Variants in GPHN observed in about 807,000 individuals in gnomAD.
GPHN encodes gephyrin.
GPHN carries 17 observed loss-of-function variants against 95.5 expected under a neutral mutation model. That is an observed-to-expected ratio of 0.18 (90% CI 0.12 to 0.27). The LOEUF (loss-of-function observed/expected upper bound fraction) is 0.27, where lower values mean the gene tolerates loss of function less well. GPHN is among the 10% of genes least tolerant of loss of function. GPHN has a pLI of 1.00. For missense variants in GPHN, 660 were observed against 978.1 expected (o/e 0.67, Z 4.34); for synonymous variants, 320 against 322.5 (o/e 0.99, Z 0.08).
intron 2 of GPHN, among the ~76,000 whole-genome samples, chr14:66,730,256 C>T (rs2071645930): frequency 6.6e-6 from 1 of 152,150 alleles, no homozygotes; most frequent in Non-Finnish European, 1.5e-5. Context: ...CTGCTAGGCT[C>T]CATGTGGGTT....
At chr14:66,944,342 T>C (rs1476671391) in intron 8 of GPHN, among the ~76,000 whole-genome samples, 2 of 152,186 alleles carry the variant, frequency 1.3e-5, no homozygotes, top group African/African-American at 4.8e-5. Context: ...CAGGCCACCA[T>C]TGTAAAATGG....
chr14:66,606,132 T>C (rs931370646), intron 1 of GPHN, among the ~76,000 whole-genome samples: 2 of 152,156 alleles, frequency 1.3e-5, no homozygotes, highest in Admixed American at 6.5e-5. Context: ...TGAGGTCTTA[T>C]CTTTACATCT....
At chr14:66,702,566 G>C (rs2068657671) in intron 2 of GPHN, among the ~76,000 whole-genome samples, 1 of 152,074 alleles carries the variant, frequency 6.6e-6, no homozygotes, top group South Asian at 2.1e-4. Flanking sequence ...AGAGGGACCT[G>C]ACCATTGAAA....
rs576345891 is a variant in GPHN, at chr14:67,114,169, A to G, written c.1626+998A>G. Among the ~76,000 whole-genome samples, 4 of 152,332 alleles carry G rather than the reference A, an allele frequency of 2.6e-5. No individual in the cohort carries two copies. In the South Asian group the frequency reaches 6.2e-4, roughly 24 times the overall value. On this transcript the variant is annotated intron_variant, in intron 16 of 22. Transcript: ENST00000478722. Reference sequence around the variant, plus strand: ...ATTCCAGATGTGCTTACTTCCCAGTATATATGCACTAGTCATTTCCAAAAA... The same window carrying G: ...ATTCCAGATGTGCTTACTTCCCAGTGTATATGCACTAGTCATTTCCAAAAA...
chr14:67,546,848 G>C, the GPHN span, among the ~76,000 whole-genome samples: 1 of 152,142 alleles, frequency 6.6e-6, no homozygotes, highest in Admixed American at 6.5e-5. Flanking sequence ...GGGTGACACA[G>C]CAAAATCCTG....
the GPHN span, among the ~76,000 whole-genome samples, chr14:67,284,547 T>TAAAAAAAAAAAAAAAA: frequency 1.7e-4 from 4 of 23,310 alleles, 1 homozygote; most frequent in East Asian, 1.1e-3. Context: ...GCTGCAGTGC[T>TAAAAAAAAAAAAAAAA]AAAAAAAAAA....
chr14:67,599,977 G>T, the GPHN span: 1 of 1,494,220 alleles, frequency 6.7e-7, no homozygotes. Context: ...CCCTCCCAAA[G>T]CCGAACCCCC....
chr14:67,473,474 G>C, the GPHN span: 36 of 1,614,032 alleles, frequency 2.2e-5, no homozygotes, highest in Non-Finnish European at 2.5e-5. This position sits in a 1 kb window ranked among gnomAD's most constrained non-coding sequence, Gnocchi z 6.5. Flanking sequence ...TGGGCTCCCC[G>C]GGCTCAGCGT....
At chr14:67,295,888 C>T in the GPHN span, among the ~76,000 whole-genome samples, 1 of 151,880 alleles carries the variant, frequency 6.6e-6, no homozygotes, top group African/African-American at 2.4e-5. Flanking sequence ...AAAATGTGTC[C>T]ACAGAAAAGC....
At chr14:66,904,521 G>C (rs1029764258) in intron 5 of GPHN, among the ~76,000 whole-genome samples, 1 of 152,166 alleles carries the variant, frequency 6.6e-6, no homozygotes, top group African/African-American at 2.4e-5. Flanking sequence ...TCTAGCTACA[G>C]AGTACTGACT....
At chr14:66,567,650 A>G (rs1464666360) in intron 1 of GPHN, among the ~76,000 whole-genome samples, 1 of 152,256 alleles carries the variant, frequency 6.6e-6, no homozygotes, top group Non-Finnish European at 1.5e-5. Context: ...GCACTCAGAT[A>G]TAAAGTCTAC....
chr14:66,928,737 A>T (rs2066619600), intron 8 of GPHN, among the ~76,000 whole-genome samples: 1 of 152,162 alleles, frequency 6.6e-6, no homozygotes, highest in South Asian at 2.1e-4. Flanking sequence ...ATTTGCTTCA[A>T]GACATTATTA....
intron 4 of GPHN, among the ~76,000 whole-genome samples, chr14:66,857,019 T>C (rs1406916610): frequency 6.6e-6 from 1 of 152,090 alleles, no homozygotes; most frequent in Non-Finnish European, 1.5e-5. Context: ...AAACACTGGA[T>C]AAATTCTTAC....
chr14:67,731,442 T>C, the GPHN span, among the ~76,000 whole-genome samples: 4 of 151,912 alleles, frequency 2.6e-5, no homozygotes, highest in Non-Finnish European at 5.9e-5. Flanking sequence ...CTTGAACTCC[T>C]GACCTCAAGT....
chr14:67,057,441 G>T (rs983333899), intron 10 of GPHN, among the ~76,000 whole-genome samples: 1 of 149,400 alleles, frequency 6.7e-6, no homozygotes, highest in Non-Finnish European at 1.5e-5. Flanking sequence ...ACTGGGTCCT[G>T]TCAGAGGGTT....
the GPHN span, among the ~76,000 whole-genome samples, chr14:67,317,176 A>C: frequency 6.6e-6 from 1 of 152,238 alleles, no homozygotes; most frequent in Non-Finnish European, 1.5e-5. Context: ...AGTAAATTAA[A>C]AACAAGCTGG....
chr14:67,574,484 G>A, the GPHN span: 1 of 1,200,096 alleles, frequency 8.3e-7, no homozygotes, highest in Middle Eastern at 2.9e-4. The surrounding 1 kb of genome is among the most constrained non-coding windows in gnomAD (Gnocchi z 4.2). Context: ...GAGGGTGGTG[G>A]GTTCCCCCTT....
the GPHN span, among the ~76,000 whole-genome samples, chr14:67,214,422 A>G: frequency 6.6e-6 from 1 of 152,168 alleles, no homozygotes; most frequent in South Asian, 2.1e-4. Flanking sequence ...TTAAATAGGG[A>G]ATCCTTTCCC....
At chr14:67,291,453 T>G in the GPHN span, among the ~76,000 whole-genome samples, 1 of 152,022 alleles carries the variant, frequency 6.6e-6, no homozygotes, top group Admixed American at 6.6e-5. Context: ...CCCGGCTAAT[T>G]TTTGTATTTT....
Sources: allele counts gnomAD v4.1 joint callset (sites outside exome capture counted in the v4.1 genomes callset), GRCh38; gene constraint gnomAD v4.1.1; non-coding constraint Gnocchi (gnomAD v3.1); transcripts MANE v1.5; gene names NCBI Gene and HGNC (gene_info 2026-07-23, HGNC 2026-07-21).